The following PLA2G4A variants were observed in gnomAD, a reference collection of about 807,000 sequenced individuals.
PLA2G4A encodes the protein cytosolic phospholipase A2.
In PLA2G4A, 40 loss-of-function variants were observed where a neutral mutation model predicts 81.9. That is an observed-to-expected ratio of 0.49 (90% CI 0.38 to 0.64). The LOEUF is 0.64. Ranked by LOEUF, PLA2G4A falls within the 30% of genes least tolerant of loss-of-function variation. The pLI, the probability that PLA2G4A is intolerant of heterozygous loss-of-function variation, is 0.00. For missense variants in PLA2G4A, 715 were observed against 905.1 expected, an observed-to-expected ratio of 0.79 and a Z score of 2.69; for synonymous variants, 302 against 296.9, an observed-to-expected ratio of 1.02 and a Z score of -0.18.
At chr1:186,970,162 G>A (rs534963654) in intron 15 of PLA2G4A, among the ~76,000 whole-genome samples, 3 of 151,984 alleles carry the variant, frequency 2.0e-5, no homozygotes, top group Non-Finnish European at 4.4e-5. Flanking sequence ...TTGAGGATTA[G>A]TGATGTTAAA....
At chr1:186,854,202 T>G in intron 1 of PLA2G4A, 84 bp from the exon 2 acceptor site, 2 of 610,820 alleles carry the variant, frequency 3.3e-6, no homozygotes, top group Non-Finnish European at 5.9e-6. Context: ...GACTTTTTCT[T>G]CCTAAGACGC....
At chr1:186,912,060 G>A (rs1158645402) in intron 7 of PLA2G4A, among the ~76,000 whole-genome samples, 2 of 152,132 alleles carry the variant, frequency 1.3e-5, no homozygotes, top group East Asian at 3.9e-4. Flanking sequence ...GTTCTCCTCA[G>A]GCCCTCCAAG....
intron 7 of PLA2G4A, among the ~76,000 whole-genome samples, chr1:186,911,928 G>C (rs574769364): frequency 4.5e-4 from 68 of 152,254 alleles, no homozygotes; most frequent in Non-Finnish European, 8.8e-4. Flanking sequence ...GCAGTTGGAG[G>C]GGGAGGTGGG....
intron 5 of PLA2G4A, among the ~76,000 whole-genome samples, chr1:186,898,174 A>T (rs1654408934): frequency 6.6e-6 from 1 of 152,114 alleles, no homozygotes; most frequent in African/African-American, 2.4e-5. Flanking sequence ...AGTATTATAT[A>T]ATTTAAAGAT....
intron 3 of PLA2G4A, among the ~76,000 whole-genome samples, chr1:186,870,951 C>T (rs1364463262): frequency 1.3e-5 from 2 of 152,186 alleles, no homozygotes; most frequent in Non-Finnish European, 2.9e-5. Context: ...GCCGAGATCA[C>T]TTGGAGTCAG....
intron 15 of PLA2G4A, among the ~76,000 whole-genome samples, chr1:186,976,481 A>G (rs568316531): frequency 2.9e-4 from 44 of 152,298 alleles, no homozygotes; most frequent in African/African-American, 1.0e-3. Flanking sequence ...TAAGCACTGT[A>G]AAGTATTAAT....
chr1:186,968,133 A>G (rs1409873033), intron 15 of PLA2G4A, among the ~76,000 whole-genome samples: 1 of 152,004 alleles, frequency 6.6e-6, no homozygotes. Flanking sequence ...CATTTCACCA[A>G]TGGGGGTATA....
chr1:186,863,380 T>C (rs562709384), intron 2 of PLA2G4A, among the ~76,000 whole-genome samples: 1 of 152,342 alleles, frequency 6.6e-6, no homozygotes, highest in African/African-American at 2.4e-5. Flanking sequence ...ATAGTAATTA[T>C]ATATATTTAT....
At chr1:186,888,077 A>AGGAGAAATTAGAAACGCTGCCAC (rs1192439970) in intron 3 of PLA2G4A, among the ~76,000 whole-genome samples, 8 of 152,320 alleles carry the variant, frequency 5.3e-5, no homozygotes, top group Admixed American at 1.3e-4. Flanking sequence ...AAGAATCAAG[A>AGGAGAAATTAGAAACGCTGCCAC]GGAGAAATTA....
At chr1:186,941,142 C>G (rs962410161) in intron 10 of PLA2G4A, among the ~76,000 whole-genome samples, 1 of 149,444 alleles carries the variant, frequency 6.7e-6, no homozygotes, top group African/African-American at 2.5e-5. Flanking sequence ...GGCACAACAG[C>G]ATACTTTTGG....
chr1:186,869,000 T>C (rs1653142091), intron 2 of PLA2G4A, among the ~76,000 whole-genome samples: 1 of 152,006 alleles, frequency 6.6e-6, no homozygotes, highest in South Asian at 2.1e-4. Flanking sequence ...TTTGGTTGCA[T>C]TGATTTTTTC....
chr1:186,896,878 G>C (rs764837620), intron 5 of PLA2G4A, among the ~76,000 whole-genome samples: 1 of 152,068 alleles, frequency 6.6e-6, no homozygotes, highest in Admixed American at 6.6e-5. Context: ...GATGGCTAAG[G>C]GGAGAGTCCC....
chr1:186,901,606 G>A (rs1467187977), intron 5 of PLA2G4A, among the ~76,000 whole-genome samples: 2 of 152,154 alleles, frequency 1.3e-5, no homozygotes, highest in African/African-American at 2.4e-5. Context: ...AAGTAATAGA[G>A]TGGTTTGGTA....
At chr1:186,916,082 A>G (rs1655126464) in intron 7 of PLA2G4A, among the ~76,000 whole-genome samples, 1 of 152,122 alleles carries the variant, frequency 6.6e-6, no homozygotes, top group African/African-American at 2.4e-5. Flanking sequence ...TGCAAAAACA[A>G]ATTTCTTGTT....
intron 1 of PLA2G4A, among the ~76,000 whole-genome samples, chr1:186,835,448 T>A (rs1322674021): frequency 1.3e-5 from 2 of 152,206 alleles, no homozygotes; most frequent in Non-Finnish European, 2.9e-5. Context: ...ATGTAAGAAT[T>A]TATTGAAAAG....
chr1:186,932,751 G>A lies in PLA2G4A; in HGVS notation c.559-12G>A. The A allele has an allele frequency of 1.2e-6, 2 of 1,612,636 alleles. No homozygotes were observed. The highest frequency in any genetic ancestry group is 3.3e-5 in the Admixed American group (2 of 59,988). ...TACTTTGTGTACAAATCTCTCTGTT[G>A]CATCGTTTCAGGTGCCTGTGGTAGC... On this transcript the variant is annotated splice_polypyrimidine_tract_variant and intron_variant, in intron 7 of 17. Transcript: ENST00000367466.
At chr1:186,940,488 A>T (rs973716111) in intron 10 of PLA2G4A, among the ~76,000 whole-genome samples, 1 of 152,094 alleles carries the variant, frequency 6.6e-6, no homozygotes, top group African/African-American at 2.4e-5. Flanking sequence ...CTTGGTACTC[A>T]TGGGGGATTG....
intron 7 of PLA2G4A, among the ~76,000 whole-genome samples, chr1:186,929,929 C>A (rs1356241106): frequency 1.3e-5 from 2 of 151,844 alleles, no homozygotes; most frequent in African/African-American, 4.8e-5. Flanking sequence ...AGGTGTGGTG[C>A]ACCTTTAGTT....
At chr1:186,918,247 G>A (rs1216536797) in intron 7 of PLA2G4A, among the ~76,000 whole-genome samples, 2 of 152,188 alleles carry the variant, frequency 1.3e-5, no homozygotes, top group Admixed American at 6.5e-5. Context: ...TGAGGTGGAG[G>A]CTCGCTGGTG....
Sources: gnomAD v4.1 joint callset for allele counts (sites outside exome capture counted in the v4.1 genomes callset) on GRCh38, gnomAD v4.1.1 for gene constraint, MANE v1.5 for transcripts, NCBI Gene and HGNC (gene_info 2026-07-23, HGNC 2026-07-21) for gene names.